The following SHROOM3 variants were observed in gnomAD, a reference collection of about 807,000 sequenced individuals.
SHROOM3 encodes shroom family member 3.
SHROOM3 carries 47 observed loss-of-function variants against 138.6 expected under a neutral mutation model. The ratio of observed to expected loss-of-function variants is 0.34; its 90% CI spans 0.27 to 0.43. The LOEUF (loss-of-function observed/expected upper bound fraction) is 0.43. Ranked by LOEUF, SHROOM3 falls within the 20% of genes least tolerant of loss-of-function variation. The pLI is 1.00. For synonymous variants in SHROOM3, 1,062 were observed against 1,063.3 expected, an observed-to-expected ratio of 1.00 and a Z score of 0.02; for missense variants, 2,491 against 2,596.5, an observed-to-expected ratio of 0.96 and a Z score of 0.88.
intron 1 of SHROOM3, among the ~76,000 whole-genome samples, chr4:76,446,950 A>G (rs1362649550): frequency 6.6e-6 from 1 of 152,144 alleles, no homozygotes; most frequent in Admixed American, 6.5e-5. Context: ...CTCTGGTTTC[A>G]TGATGGTCAC....
At chr4:76,727,660 T>G (rs964696041) in intron 3 of SHROOM3, among the ~76,000 whole-genome samples, 2 of 151,980 alleles carry the variant, frequency 1.3e-5, no homozygotes, top group Non-Finnish European at 2.9e-5. Context: ...GAGGCCAAAG[T>G]GGGCAGATCA....
At chr4:76,769,676 T>C (rs1722284845) in intron 9 of SHROOM3, among the ~76,000 whole-genome samples, 1 of 152,198 alleles carries the variant, frequency 6.6e-6, no homozygotes, top group Non-Finnish European at 1.5e-5. Context: ...TTTCTAATGA[T>C]TGTACAAGGG....
intron 1 of SHROOM3, among the ~76,000 whole-genome samples, chr4:76,496,087 G>T (rs1210389743): frequency 2.0e-5 from 3 of 152,244 alleles, no homozygotes; most frequent in Non-Finnish European, 4.4e-5. Flanking sequence ...GGCTAGGCTA[G>T]TGTGTTGAGA....
chr4:76,590,397 T>G (rs1160383793), intron 2 of SHROOM3, among the ~76,000 whole-genome samples: 5 of 152,110 alleles, frequency 3.3e-5, no homozygotes. Context: ...GGAATGTTAA[T>G]GGTATGCCTG....
intron 2 of SHROOM3, among the ~76,000 whole-genome samples, chr4:76,643,337 T>C (rs545216034): frequency 6.6e-6 from 1 of 152,144 alleles, no homozygotes; most frequent in Non-Finnish European, 1.5e-5. Context: ...CTTTGTAGTA[T>C]TATTATTGGC....
Position 76,741,542 on chromosome 4 carries a change from C to T in SHROOM3, c.3369C>T (p.Pro1123=), listed in dbSNP as rs755635260. The T allele has an allele frequency of 3.9e-6, 6 of 1,548,562 alleles. No individual in the cohort carries two copies. The highest frequency in any genetic ancestry group is 1.9e-5 in the Admixed American group (1 of 53,286). The change falls in exon 5 of 11, where the codon CCC becomes CCT. Residue 1123 remains proline, a synonymous_variant. Coordinates refer to ENST00000296043, the MANE Select transcript of SHROOM3 (RefSeq NM_020859.4). The surrounding 1 kb of genome is among the most constrained non-coding windows in gnomAD (Gnocchi z 6.2). ...RERAQSAYLQ[P]GPAALEGSGL... is the part of the protein sequence containing the mutation. ...GCGCCCAGAGTGCCTACCTCCAGCC[C>T]GGCCCCGCGGCGCTCGAAGGCTCCG...
At chr4:76,437,790 A>G (rs964748026) in intron 1 of SHROOM3, among the ~76,000 whole-genome samples, 5 of 152,234 alleles carry the variant, frequency 3.3e-5, no homozygotes, top group Non-Finnish European at 1.5e-5. Context: ...TGAATAACAG[A>G]TAATTCTGCA....
chr4:76,742,016 G>A (rs1721275693), intron 5 of SHROOM3, 90 bp downstream of exon 5: 2 of 1,487,106 alleles, frequency 1.3e-6, no homozygotes, highest in East Asian at 2.4e-5. Flanking sequence ...ACTCTCACCC[G>A]CTCTCCCAGT....
At chr4:76,674,349 C>A (rs944709576) in intron 2 of SHROOM3, among the ~76,000 whole-genome samples, 1 of 152,042 alleles carries the variant, frequency 6.6e-6, no homozygotes, top group African/African-American at 2.4e-5. Context: ...TTTCTTCTCT[C>A]CTACACATTT....
At chr4:76,738,593 C>T (rs895934485) in intron 4 of SHROOM3, among the ~76,000 whole-genome samples, 168 bp from the exon 5 acceptor site, 1 of 152,204 alleles carries the variant, frequency 6.6e-6, no homozygotes, top group Non-Finnish European at 1.5e-5. Flanking sequence ...TTACTCCTAG[C>T]GATGACACAG....
intron 8 of SHROOM3, chr4:76,758,660 A>C (rs1721896979): frequency 6.6e-6 from 1 of 152,204 alleles, no homozygotes; most frequent in South Asian, 2.1e-4. Flanking sequence ...ACTGGATTAA[A>C]TGTGGTCATT....
chr4:76,745,912 C>T (rs542420645), intron 5 of SHROOM3, among the ~76,000 whole-genome samples: 1 of 152,296 alleles, frequency 6.6e-6, no homozygotes, highest in South Asian at 2.1e-4. Flanking sequence ...ACTCACGAGG[C>T]AGAGGTTGCA....
At chr4:76,515,494 G>A (rs1035621278) in intron 1 of SHROOM3, among the ~76,000 whole-genome samples, 8 of 152,024 alleles carry the variant, frequency 5.3e-5, no homozygotes, top group African/African-American at 1.9e-4. Flanking sequence ...AGATTCCCTT[G>A]GGCTCTGGTC....
intron 2 of SHROOM3, among the ~76,000 whole-genome samples, chr4:76,703,456 C>T (rs1719960329): frequency 6.6e-6 from 1 of 152,106 alleles, no homozygotes; most frequent in African/African-American, 2.4e-5. Context: ...AACGGCTGAT[C>T]AATGGTCAGT....
At chr4:76,649,400 C>T (rs1283246847) in intron 2 of SHROOM3, among the ~76,000 whole-genome samples, 3 of 152,192 alleles carry the variant, frequency 2.0e-5, no homozygotes, top group East Asian at 1.9e-4. Flanking sequence ...AGAGCTGCTT[C>T]TCTCATCAAA....
intron 1 of SHROOM3, among the ~76,000 whole-genome samples, chr4:76,519,729 T>C (rs543923574): frequency 6.6e-6 from 1 of 152,364 alleles, no homozygotes; most frequent in Admixed American, 6.5e-5. Flanking sequence ...TGATGAATTT[T>C]AGAATTTAAA....
intron 2 of SHROOM3, among the ~76,000 whole-genome samples, chr4:76,703,857 T>A (rs1719971462): frequency 6.6e-6 from 1 of 152,198 alleles, no homozygotes; most frequent in Non-Finnish European, 1.5e-5. Flanking sequence ...TATAAATGCA[T>A]CCTGTCTACT....
intron 1 of SHROOM3, among the ~76,000 whole-genome samples, chr4:76,508,265 G>C (rs1256391493): frequency 1.3e-5 from 2 of 152,024 alleles, no homozygotes; most frequent in Admixed American, 1.3e-4. Context: ...CTTTTTCTTT[G>C]ATCTGTGGAT....
intron 2 of SHROOM3, chr4:76,645,420 C>T (rs1188555702): frequency 1.3e-5 from 2 of 152,166 alleles, no homozygotes; most frequent in Non-Finnish European, 2.9e-5. Flanking sequence ...GTGGAGCTGT[C>T]GACCACCTTG....
Sources: allele counts gnomAD v4.1 joint callset (sites outside exome capture counted in the v4.1 genomes callset), GRCh38; gene constraint gnomAD v4.1.1; non-coding constraint Gnocchi (gnomAD v3.1); transcripts MANE v1.5; gene names NCBI Gene and HGNC (gene_info 2026-07-23, HGNC 2026-07-21).